The following CCDC192 variants were observed in gnomAD, a reference collection of about 807,000 sequenced individuals.
The protein encoded by CCDC192 is coiled-coil domain-containing protein 192.
intron 2 of CCDC192, among the ~76,000 whole-genome samples, chr5:127,745,941 T>G (rs1209206812): frequency 6.6e-6 from 1 of 152,246 alleles, no homozygotes; most frequent in East Asian, 1.9e-4. Flanking sequence ...TTTTTAGTCT[T>G]TGAAACCACA....
At chr5:127,750,811 A>T (rs1185742373) in intron 2 of CCDC192, among the ~76,000 whole-genome samples, 1 of 151,412 alleles carries the variant, frequency 6.6e-6, no homozygotes, top group Non-Finnish European at 1.5e-5. Flanking sequence ...TATTGGGTGC[A>T]TATATATTTA....
chr5:127,751,056 G>C (rs1341097880), intron 2 of CCDC192, among the ~76,000 whole-genome samples: 2 of 146,604 alleles, frequency 1.4e-5, no homozygotes, highest in African/African-American at 2.5e-5. Context: ...GATGGGTCTT[G>C]ACTCTTTATC....
chr5:127,799,441 G>T (rs1047669001), intron 5 of CCDC192, among the ~76,000 whole-genome samples: 1 of 152,128 alleles, frequency 6.6e-6, no homozygotes, highest in Admixed American at 6.6e-5. Flanking sequence ...TGTCTCATTA[G>T]CCAGTATTTT....
At chr5:127,898,378 G>GAATCCCACTGT (rs1752951837) in intron 6 of CCDC192, among the ~76,000 whole-genome samples, 1 of 152,108 alleles carries the variant, frequency 6.6e-6, no homozygotes, top group East Asian at 1.9e-4. Flanking sequence ...GAAAGTGCTG[G>GAATCCCACTGT]GATTACAAGC....
intron 5 of CCDC192, among the ~76,000 whole-genome samples, chr5:127,858,410 G>A (rs535914135): frequency 7.9e-5 from 12 of 152,150 alleles, no homozygotes; most frequent in East Asian, 3.9e-4. Flanking sequence ...CCTCTTATCC[G>A]TAAGATTCCC....
intron 5 of CCDC192, among the ~76,000 whole-genome samples, chr5:127,807,660 C>T (rs1181479621): frequency 6.6e-6 from 1 of 151,962 alleles, no homozygotes; most frequent in Non-Finnish European, 1.5e-5. Context: ...AAATCATTTC[C>T]AAAAGATTTC....
At chr5:127,871,915 G>A (rs926333290) in intron 5 of CCDC192, among the ~76,000 whole-genome samples, 1 of 152,182 alleles carries the variant, frequency 6.6e-6, no homozygotes, top group East Asian at 1.9e-4. Flanking sequence ...TATCCTTTCA[G>A]TAATCACCAA....
At chr5:127,901,812 C>T (rs1753045210) in intron 6 of CCDC192, among the ~76,000 whole-genome samples, 1 of 152,142 alleles carries the variant, frequency 6.6e-6, no homozygotes, top group Non-Finnish European at 1.5e-5. Flanking sequence ...TTTTACAGTC[C>T]AAATACTATT....
chr5:127,879,658 A>G lies in CCDC192; in HGVS notation c.535+3997A>G, dbSNP rs11505141. ...CATCAGAGTGAACAGGCAACCTACA[A>G]AATGGGAGAAAATTTTCGCAACCTA... On this transcript the variant is annotated intron_variant, in intron 6 of 6. Transcript: ENST00000514853. Among the ~76,000 whole-genome samples, 5 of 58,420 alleles carry G rather than the reference A, an allele frequency of 8.6e-5. No homozygotes were observed. The East Asian group carries it at 1.2e-3, about 14-fold the overall frequency. 38.3% of individuals were successfully genotyped at this position (58,420 alleles called of 152,430 possible).
At position 127,894,090 on chromosome 5, in the gene CCDC192, A is replaced by G. The variant is rs973743532; in HGVS notation, c.535+18429A>G. Among the ~76,000 whole-genome samples, 26 of 152,132 alleles carry G rather than the reference A, an allele frequency of 1.7e-4. 1 individual carries two copies. The highest frequency in any genetic ancestry group is 1.7e-3 in the Admixed American group (26 of 15,270). ...TGTTCTAATTACCTATCTCCATTGCAGGTGTATATGACATGGAAATACAGG... is the reference window on the plus strand; with the variant it reads ...TGTTCTAATTACCTATCTCCATTGCGGGTGTATATGACATGGAAATACAGG... On this transcript the variant is annotated intron_variant, in intron 6 of 6. Coordinates refer to ENST00000514853, the MANE Select transcript of CCDC192 (RefSeq NM_001317938.2).
intron 3 of CCDC192, among the ~76,000 whole-genome samples, chr5:127,791,351 G>C (rs959787131): frequency 6.6e-6 from 1 of 152,016 alleles, no homozygotes; most frequent in East Asian, 1.9e-4. Context: ...GTCAAGAAAG[G>C]GTACTGATAT....
chr5:127,936,192 CA>C (rs1754182230), intron 6 of CCDC192, among the ~76,000 whole-genome samples: 1 of 152,162 alleles, frequency 6.6e-6, no homozygotes, highest in African/African-American at 2.4e-5. Context: ...TAGATCACCC[CA>C]AAAATGTAGT....
At chr5:127,931,577 T>A (rs1475837406) in intron 6 of CCDC192, among the ~76,000 whole-genome samples, 3 of 152,168 alleles carry the variant, frequency 2.0e-5, no homozygotes, top group Non-Finnish European at 4.4e-5. Context: ...TTTAGCCAAA[T>A]CTTGGTTCAC....
At chr5:127,735,118 A>C (rs2126825026) in intron 2 of CCDC192, among the ~76,000 whole-genome samples, 1 of 128,828 alleles carries the variant, frequency 7.8e-6, no homozygotes, top group South Asian at 2.9e-4. Flanking sequence ...GGTGTAAGGA[A>C]GGGATCCAGT....
intron 2 of CCDC192, among the ~76,000 whole-genome samples, chr5:127,720,506 G>A (rs1235249131): frequency 1.3e-5 from 2 of 152,314 alleles, no homozygotes; most frequent in East Asian, 3.9e-4. Flanking sequence ...CCAGGGGCAC[G>A]GTGCAAGCTG....
chr5:127,935,903 G>A (rs547487257), intron 6 of CCDC192, among the ~76,000 whole-genome samples: 3 of 152,152 alleles, frequency 2.0e-5, no homozygotes, highest in South Asian at 4.2e-4. Context: ...TTGGGAGTTC[G>A]AGACCACCCT....
At chr5:127,865,716 G>A (rs1270069535) in intron 5 of CCDC192, among the ~76,000 whole-genome samples, 1 of 150,656 alleles carries the variant, frequency 6.6e-6, no homozygotes, top group African/African-American at 2.4e-5. Flanking sequence ...AATTGGGAGG[G>A]ACTATAAAAT....
intron 5 of CCDC192, among the ~76,000 whole-genome samples, chr5:127,864,631 T>C (rs771545169): frequency 6.6e-6 from 1 of 152,226 alleles, no homozygotes; most frequent in Non-Finnish European, 1.5e-5. Flanking sequence ...TTGTTTAGGC[T>C]TGTTAAAATA....
chr5:127,860,226 T>A (rs750241568), intron 5 of CCDC192, among the ~76,000 whole-genome samples: 11 of 152,310 alleles, frequency 7.2e-5, no homozygotes, highest in Middle Eastern at 3.4e-3. Flanking sequence ...TATTTCCTTT[T>A]GCTTTATTTA....
Sources: gnomAD v4.1 joint callset for allele counts (sites outside exome capture counted in the v4.1 genomes callset) on GRCh38, gnomAD v4.1.1 for gene constraint, MANE v1.5 for transcripts, NCBI Gene and HGNC (gene_info 2026-07-23, HGNC 2026-07-21) for gene names.